HMGB1: variants seen among roughly 807,000 people sequenced by gnomAD.
HMGB1 encodes high mobility group protein B1.
For missense variants in HMGB1, 79 were observed against 253.5 expected (o/e 0.31, Z 4.67); for synonymous variants, 81 against 84.0 (o/e 0.96, Z 0.19).
At chr13:30,611,636 C>A (rs991995568) in intron 1 of HMGB1, among the ~76,000 whole-genome samples, 1 of 152,076 alleles carries the variant, frequency 6.6e-6, no homozygotes, top group Non-Finnish European at 1.5e-5. Context: ...CTATTTAGCA[C>A]TTATTTCATC....
chr13:30,527,510 T>G (rs373702629), intron 1 of HMGB1, among the ~76,000 whole-genome samples: 1 of 152,208 alleles, frequency 6.6e-6, no homozygotes, highest in East Asian at 1.9e-4. Context: ...TGATTGCCTG[T>G]GTCTATGCCA....
intron 1 of HMGB1, among the ~76,000 whole-genome samples, chr13:30,574,431 T>C (rs899106958): frequency 2.2e-4 from 33 of 152,226 alleles, no homozygotes; most frequent in Non-Finnish European, 7.3e-5. Context: ...TGATGTTCAA[T>C]AAATGGTTGC....
intron 1 of HMGB1, among the ~76,000 whole-genome samples, chr13:30,583,515 G>A (rs1183471828): frequency 5.3e-5 from 7 of 131,210 alleles, no homozygotes; most frequent in African/African-American, 2.1e-4. Context: ...TGGATGAAGT[G>A]AGACCTGGTC....
intron 3 of HMGB1, 129 bp from the exon 4 acceptor site, chr13:30,462,841 C>T (rs1361842064): frequency 1.4e-6 from 1 of 699,144 alleles, no homozygotes; most frequent in East Asian, 2.7e-5. Flanking sequence ...GGTGCAAATA[C>T]TATAATATAC....
intron 1 of HMGB1, among the ~76,000 whole-genome samples, chr13:30,486,847 A>C (rs1214754107): frequency 6.6e-6 from 1 of 152,156 alleles, no homozygotes; most frequent in Non-Finnish European, 1.5e-5. Flanking sequence ...CCTAAACAAC[A>C]TGATCATGGG....
chr13:30,616,201 C>A (rs1035696379), intron 1 of HMGB1, among the ~76,000 whole-genome samples: 6 of 152,130 alleles, frequency 3.9e-5, no homozygotes, highest in Admixed American at 6.5e-5. Flanking sequence ...AGCTCTAGAG[C>A]GAAAACACAG....
At chr13:30,505,297 G>A (rs1284908947) in intron 1 of HMGB1, among the ~76,000 whole-genome samples, 2 of 152,042 alleles carry the variant, frequency 1.3e-5, no homozygotes, top group Non-Finnish European at 2.9e-5. Context: ...TCCTGCCTCA[G>A]CCTCCCTAGT....
At chr13:30,577,428 G>A (rs1000963339) in intron 1 of HMGB1, among the ~76,000 whole-genome samples, 1 of 151,404 alleles carries the variant, frequency 6.6e-6, no homozygotes, top group Non-Finnish European at 1.5e-5. Context: ...AGGACTTCCA[G>A]CCTCCAGAGC....
rs761580866 is a variant in HMGB1, at chr13:30,559,292, T to C, written c.-15+57379A>G. ...CTAGAGTGGCTAGGGAAGCACACTA[T>C]GGGACAACCTTTCCTCACCATTGAC... On this transcript the variant is annotated intron_variant, in intron 1 of 4. Transcript: ENST00000405805. The surrounding 1 kb of genome is among the most constrained non-coding windows in gnomAD (Gnocchi z 6.6). 5.3e-5 allele frequency among the ~76,000 whole-genome samples: 8 copies of C among 152,138 alleles called. No individual in the cohort carries two copies. The highest frequency in any genetic ancestry group is 7.3e-5 in the Non-Finnish European group (5 of 68,028).
In HMGB1 at chr13:30,460,523, AAT is replaced by A. The variant is rs1434922107; in HGVS notation, c.*832_*833del. On this transcript the variant is annotated 3_prime_UTR_variant, in exon 5 of 5. Transcript: ENST00000341423. Reference sequence around the variant, plus strand: ...CATTACATGGTAATGGGAGTTAAAGAATAGAGTCCTCATGTAAAGGTTAGAAC... The same window carrying A: ...CATTACATGGTAATGGGAGTTAAAGAAGAGTCCTCATGTAAAGGTTAGAAC... The A allele has an allele frequency of 2.6e-5, 4 of 152,370 alleles. No individual in the cohort carries two copies. Among genetic ancestry groups the A allele is most frequent in the African/African-American group, 7.2e-5 (3 of 41,466 alleles). 9.4% of individuals were successfully genotyped at this position (152,370 alleles called of 1,614,324 possible).
At position 30,461,270 on chromosome 13, in the gene HMGB1, C is replaced by G; in HGVS notation, c.*87G>C. The G allele has an allele frequency of 6.6e-7, 1 of 1,504,828 alleles. No homozygotes were observed. Among genetic ancestry groups the G allele is most frequent in the Non-Finnish European group, 8.8e-7 (1 of 1,130,994 alleles). 93.2% of individuals were successfully genotyped at this position (1,504,828 alleles called of 1,614,324 possible). On this transcript the variant is annotated 3_prime_UTR_variant, in exon 5 of 5. Transcript: ENST00000341423. Reference sequence around the variant, plus strand: ...ACAAATCTTACACAGCCTTACATTTCAATTTTTTTCTTTAAAAGGAGTGAG... The same window carrying G: ...ACAAATCTTACACAGCCTTACATTTGAATTTTTTTCTTTAAAAGGAGTGAG...
chr13:30,491,514 T>C (rs535868587), intron 1 of HMGB1, among the ~76,000 whole-genome samples: 1 of 148,578 alleles, frequency 6.7e-6, no homozygotes, highest in Non-Finnish European at 1.5e-5. Flanking sequence ...AATATAAAAA[T>C]TAGCTGTGTG....
intron 1 of HMGB1, among the ~76,000 whole-genome samples, chr13:30,585,280 T>G (rs1031039216): frequency 6.6e-6 from 1 of 152,032 alleles, no homozygotes; most frequent in East Asian, 1.9e-4. Flanking sequence ...CCCGCGCCAC[T>G]GCACTCCAGC....
At chr13:30,597,122 C>T (rs970909381) in intron 1 of HMGB1, among the ~76,000 whole-genome samples, 2 of 152,178 alleles carry the variant, frequency 1.3e-5, no homozygotes, top group Non-Finnish European at 2.9e-5. Flanking sequence ...AAGTCCTAAA[C>T]TACAATACCT....
At chr13:30,515,233 A>G (rs1407739226) in intron 1 of HMGB1, among the ~76,000 whole-genome samples, 1 of 152,216 alleles carries the variant, frequency 6.6e-6, no homozygotes, top group Non-Finnish European at 1.5e-5. Context: ...GACCTCAGTT[A>G]CAGAGCCACA....
At chr13:30,506,535 T>C (rs1356195033) in intron 1 of HMGB1, among the ~76,000 whole-genome samples, 1 of 152,068 alleles carries the variant, frequency 6.6e-6, no homozygotes, top group Non-Finnish European at 1.5e-5. Context: ...CGAAGACCGG[T>C]CCTTGTTGTT....
intron 1 of HMGB1, among the ~76,000 whole-genome samples, chr13:30,501,727 T>C (rs1887739865): frequency 2.0e-5 from 3 of 152,164 alleles, no homozygotes; most frequent in Admixed American, 2.0e-4. Context: ...TTAATATACG[T>C]GCAAGTACAT....
At chr13:30,577,466 G>T (rs1024873205) in intron 1 of HMGB1, among the ~76,000 whole-genome samples, 1 of 151,970 alleles carries the variant, frequency 6.6e-6, no homozygotes, top group South Asian at 2.1e-4. Context: ...TGCTTGCACC[G>T]CCCAGTCTGT....
At chr13:30,510,645 C>T (rs1407092133) in intron 1 of HMGB1, among the ~76,000 whole-genome samples, 2 of 152,184 alleles carry the variant, frequency 1.3e-5, no homozygotes, top group African/African-American at 2.4e-5. Flanking sequence ...TCTGGCTTAG[C>T]GGCACGGTTC....
Sources: gnomAD v4.1 joint callset for allele counts (sites outside exome capture counted in the v4.1 genomes callset) on GRCh38, gnomAD v4.1.1 for gene constraint, Gnocchi (gnomAD v3.1) non-coding constraint, MANE v1.5 for transcripts, NCBI Gene and HGNC (gene_info 2026-07-23, HGNC 2026-07-21) for gene names.